The following MGAT5 variants were observed in gnomAD, a reference collection of about 807,000 sequenced individuals.
The protein encoded by MGAT5 is alpha-1,6-mannosylglycoprotein 6-beta-N-acetylglucosaminyltransferase A.
In MGAT5, 30 loss-of-function variants were observed where a neutral mutation model predicts 94.3. The ratio of observed to expected loss-of-function variants is 0.32; its 90% CI spans 0.24 to 0.43. The LOEUF is 0.43. Ranked by LOEUF, MGAT5 falls within the 20% of genes least tolerant of loss-of-function variation. MGAT5 has a pLI of 1.00. For synonymous variants in MGAT5, 310 were observed against 322.9 expected (o/e 0.96, Z 0.43); for missense variants, 691 against 905.5 (o/e 0.76, Z 3.04).
chr2:134,423,759 C>T (rs1684427377), intron 13 of MGAT5, among the ~76,000 whole-genome samples: 1 of 152,160 alleles, frequency 6.6e-6, no homozygotes, highest in Non-Finnish European at 1.5e-5. Context: ...AATATTACCA[C>T]TTGATTGGTC....
intron 1 of MGAT5, among the ~76,000 whole-genome samples, chr2:134,186,585 C>T (rs1176767695): frequency 6.6e-6 from 1 of 152,134 alleles, no homozygotes; most frequent in Non-Finnish European, 1.5e-5. Context: ...TTAATTGGAG[C>T]AGTTGGCTGA....
Position 134,448,659 on chromosome 2 carries a change from A to C in MGAT5, c.2038A>C (p.Thr680Pro). 1.2e-6 allele frequency: 2 copies of C among 1,614,164 alleles called. No homozygotes were observed. Among genetic ancestry groups the C allele is most frequent in the African/African-American group, 1.3e-5 (1 of 75,066 alleles). The change falls in exon 16 of 16, where the codon ACC becomes CCC. Residue 680 changes from threonine to proline, a missense_variant. Physicochemically the swap from Thr to Pro is conservative, Grantham distance 38. Transcript: ENST00000281923. ...KDKDMLKYKVTCQSSELAKDI... is the reference protein window; with the variant it reads ...KDKDMLKYKVPCQSSELAKDI... ...TCTCTTCCTCTTCAGGTACAAGGTG[A>C]CCTGCCAAAGCTCAGAGCTGGCCAA... is the stretch of plus-strand genomic sequence containing the variant.
intron 2 of MGAT5, among the ~76,000 whole-genome samples, chr2:134,284,056 A>G (rs1345224727): frequency 6.6e-6 from 1 of 152,210 alleles, no homozygotes; most frequent in Non-Finnish European, 1.5e-5. Flanking sequence ...ACATCACATT[A>G]TCTTTGTTTC....
intron 10 of MGAT5, among the ~76,000 whole-genome samples, chr2:134,364,271 G>C (rs559548314): frequency 3.2e-4 from 49 of 152,282 alleles, no homozygotes; most frequent in African/African-American, 1.1e-3. Context: ...AGGCTGAGGC[G>C]GGTGGATCAC....
At chr2:134,389,706 C>A (rs1228744565) in intron 10 of MGAT5, among the ~76,000 whole-genome samples, 1 of 152,150 alleles carries the variant, frequency 6.6e-6, no homozygotes, top group Non-Finnish European at 1.5e-5. Context: ...AAGCTGGTCC[C>A]ATCATAAATT....
At chr2:134,317,705 C>A (rs1687078825) in intron 3 of MGAT5, 100 bp downstream of exon 3, 2 of 728,300 alleles carry the variant, frequency 2.7e-6, no homozygotes, top group East Asian at 3.3e-5. Flanking sequence ...GTGAGTGAGC[C>A]CTTGACATGG....
At chr2:134,442,053 C>T (rs1340427024) in intron 15 of MGAT5, 138 bp downstream of exon 15, 29 of 938,476 alleles carry the variant, frequency 3.1e-5, no homozygotes, top group Non-Finnish European at 4.5e-5. Context: ...GAGTAGGTTG[C>T]AGCAGGATCC....
intron 1 of MGAT5, among the ~76,000 whole-genome samples, chr2:134,232,709 G>A (rs1449688314): frequency 2.6e-5 from 4 of 152,022 alleles, no homozygotes; most frequent in African/African-American, 9.7e-5. Flanking sequence ...CATTTTTCTT[G>A]TTAGGTTGGA....
At chr2:134,325,007 A>AT (rs11438944) in intron 4 of MGAT5, among the ~76,000 whole-genome samples, 22,609 of 58,964 alleles carry the variant, frequency 0.38, 1,794 homozygotes, top group Middle Eastern at 0.51. Flanking sequence ...TAGTAAAAGA[A>AT]TTTAAAAAAA....
intron 5 of MGAT5, among the ~76,000 whole-genome samples, chr2:134,337,267 C>T (rs1688387118): frequency 6.6e-6 from 1 of 152,108 alleles, no homozygotes; most frequent in South Asian, 2.1e-4. Context: ...TTGAGGCCAG[C>T]CATTTGAGAC....
At chr2:134,209,141 ATTTTTTTTTTATTTTTT>A (rs1229647304) in intron 1 of MGAT5, among the ~76,000 whole-genome samples, 1 of 16,084 alleles carries the variant, frequency 6.2e-5, no homozygotes, top group South Asian at 3.4e-3. Context: ...GAACTGGCTT[ATTTTTTTTTTATTTTTT>A]TTTTTTTTTT....
rs1684580302 is a variant in MGAT5 at position 134,279,679 on chromosome 2, T to C, written c.406+9129T>C. Among the ~76,000 whole-genome samples the C allele has an allele frequency of 2.6e-5, 4 of 152,228 alleles. No individual in the cohort carries two copies. The South Asian group carries it at 8.3e-4, about 32-fold the overall frequency. ...CGTCTACTCAGGGTTGTTCTTTGTA[T>C]TGGTGATAGGACATGCTGAAATTAG... On this transcript the variant is annotated intron_variant, in intron 2 of 15. Transcript: ENST00000281923.
chr2:134,189,602 G>GTTTTTTTTTTTTT lies in MGAT5; in HGVS notation c.-142-64654_-142-64642dup, dbSNP rs912983981. 5.7e-4 allele frequency among the ~76,000 whole-genome samples: 48 copies of GTTTTTTTTTTTTT among 84,634 alleles called. 4 individuals carry two copies. Among genetic ancestry groups the GTTTTTTTTTTTTT allele is most frequent in the East Asian group, 6.6e-4 (2 of 3,042 alleles). 55.5% of individuals were successfully genotyped at this position (84,634 alleles called of 152,430 possible). A position where few individuals can be genotyped will look rare whatever the true frequency, so the allele number is the denominator to read the frequency against. ...AACCTCATGGCTCTAGTTTTTTTTT[G>GTTTTTTTTTTTTT]TTTTTTTTTTTTTTTTTTAAGACAG... On this transcript the variant is annotated intron_variant, in intron 1 of 16. Coordinates refer to the MGAT5 transcript ENST00000409645.
intron 14 of MGAT5, among the ~76,000 whole-genome samples, chr2:134,439,617 A>C (rs973537293): frequency 1.3e-5 from 2 of 152,206 alleles, no homozygotes; most frequent in African/African-American, 2.4e-5. Context: ...GAATTGCGTG[A>C]ATCCAGGAGG....
At position 134,440,822 on chromosome 2, in the gene MGAT5, A is replaced by G. The variant is rs564389295; in HGVS notation, c.1870-936A>G. Among the ~76,000 whole-genome samples, 10 of 152,328 alleles carry G rather than the reference A, an allele frequency of 6.6e-5. No homozygotes were observed. In the East Asian group the frequency reaches 1.9e-3, roughly 29 times the overall value. The stretch of plus-strand genomic sequence containing the variant: ...TCACTTCGCAAATGTGTATTCCTCG[A>G]TTGAACCCACCACCACAACTGCCGT... On this transcript the variant is annotated intron_variant, in intron 14 of 15. Coordinates refer to ENST00000281923, the MANE Select transcript of MGAT5 (RefSeq NM_002410.5).
At chr2:134,400,102 T>C (rs1380654605) in intron 10 of MGAT5, among the ~76,000 whole-genome samples, 4 of 152,174 alleles carry the variant, frequency 2.6e-5, no homozygotes, top group Non-Finnish European at 4.4e-5. Context: ...CAGGACTGTG[T>C]GACTAATTCG....
At chr2:134,382,980 A>G (rs1228608654) in intron 10 of MGAT5, among the ~76,000 whole-genome samples, 1 of 151,958 alleles carries the variant, frequency 6.6e-6, no homozygotes, top group East Asian at 1.9e-4. Context: ...ATATAAACTT[A>G]GTTGGTAGCT....
intron 1 of MGAT5, among the ~76,000 whole-genome samples, chr2:134,136,321 C>T (rs564596778): frequency 2.0e-5 from 3 of 152,230 alleles, no homozygotes; most frequent in East Asian, 1.9e-4. Flanking sequence ...AATACCAGCA[C>T]TTTGGGAGGC....
chr2:134,440,552 C>T (rs1480295383), intron 14 of MGAT5, among the ~76,000 whole-genome samples: 1 of 152,242 alleles, frequency 6.6e-6, no homozygotes, highest in Admixed American at 6.5e-5. Flanking sequence ...TCCCGTCTGG[C>T]ACCCTGAGCT....
Sources: gnomAD v4.1 joint callset for allele counts (sites outside exome capture counted in the v4.1 genomes callset) on GRCh38, gnomAD v4.1.1 for gene constraint, MANE v1.5 for transcripts, NCBI Gene and HGNC (gene_info 2026-07-23, HGNC 2026-07-21) for gene names.